The following CCBE1 variants were observed in gnomAD, a reference collection of about 807,000 sequenced individuals.
CCBE1 encodes collagen and calcium binding EGF domains 1.
A neutral mutation model predicts 50.0 loss-of-function variants in CCBE1; 37 were observed. That is an observed-to-expected ratio of 0.74 (90% CI 0.57 to 0.97). The LOEUF is 0.97. Ranked by LOEUF, CCBE1 falls within the 50% of genes least tolerant of loss-of-function variation. The pLI is 0.00. For synonymous variants in CCBE1, 234 were observed against 203.7 expected (o/e 1.15, Z -1.27); for missense variants, 538 against 523.8 (o/e 1.03, Z -0.26).
At chr18:59,463,391 C>G (rs1156971632) in intron 5 of CCBE1, among the ~76,000 whole-genome samples, 1 of 152,224 alleles carries the variant, frequency 6.6e-6, no homozygotes, top group Non-Finnish European at 1.5e-5. Context: ...CCACACCCAG[C>G]TAACTTTTTT....
In CCBE1 at chr18:59,597,543, G is replaced by C. The variant is rs71357646; in HGVS notation, c.212+99086C>G. On this transcript the variant is annotated intron_variant, in intron 2 of 10. Coordinates refer to ENST00000439986, the MANE Select transcript of CCBE1 (RefSeq NM_133459.4). ...GCTCATTGGGTTGAGGGTGGGAGGA[G>C]AAAATTAACTACAAAAAAAGTAGTA... Among the ~76,000 whole-genome samples, 4 of 147,410 alleles carry C rather than the reference G, an allele frequency of 2.7e-5. No homozygotes were observed. The Admixed American group carries it at 2.8e-4, about 10-fold the overall frequency.
At chr18:59,477,968 T>C (rs1255572954) in intron 3 of CCBE1, among the ~76,000 whole-genome samples, 1 of 152,186 alleles carries the variant, frequency 6.6e-6, no homozygotes, top group Non-Finnish European at 1.5e-5. Flanking sequence ...TCTGTGAAGA[T>C]ATTTTTTAGA....
intron 2 of CCBE1, among the ~76,000 whole-genome samples, chr18:59,547,475 G>A (rs1915752147): frequency 6.6e-6 from 1 of 152,104 alleles, no homozygotes; most frequent in Non-Finnish European, 1.5e-5. Context: ...ATTGGCCCCA[G>A]GGAGAGGGCA....
chr18:59,627,951 G>A (rs965387252), intron 2 of CCBE1, among the ~76,000 whole-genome samples: 3 of 152,154 alleles, frequency 2.0e-5, no homozygotes, highest in South Asian at 2.1e-4. Flanking sequence ...AGTGGCTCAC[G>A]CCCACAATCC....
rs1909967587 is a variant in CCBE1 at position 59,432,140 on chromosome 18, T to C, written c.*3768A>G. ...GGCTAATTTTTTTTTTTATTTATTTTAGTAGAGATGGGGTTTCACCACGTG... is the reference window on the plus strand; with the variant it reads ...GGCTAATTTTTTTTTTTATTTATTTCAGTAGAGATGGGGTTTCACCACGTG... On this transcript the variant is annotated 3_prime_UTR_variant, in exon 11 of 11. Transcript: ENST00000439986. The C allele has an allele frequency of 1.3e-5, 2 of 152,122 alleles. No homozygotes were observed. The highest frequency in any genetic ancestry group is 6.5e-5 in the Admixed American group (1 of 15,268). The allele number at this position is 152,122 out of a possible 1,614,324, so 9.4% of individuals were successfully genotyped here. A position where few individuals can be genotyped will look rare whatever the true frequency, so the allele number is the denominator to read the frequency against.
At chr18:59,589,452 C>T (rs2053226754) in intron 2 of CCBE1, among the ~76,000 whole-genome samples, 1 of 152,066 alleles carries the variant, frequency 6.6e-6, no homozygotes, top group Admixed American at 6.6e-5. Flanking sequence ...ACGATAATAT[C>T]GACGTAAAAC....
intron 2 of CCBE1, among the ~76,000 whole-genome samples, chr18:59,648,609 C>T (rs571714078): frequency 4.6e-5 from 7 of 152,188 alleles, no homozygotes; most frequent in South Asian, 4.2e-4. Context: ...GGGTGAGGTA[C>T]GAGAATTGCT....
At chr18:59,582,986 A>T (rs1419924071) in intron 2 of CCBE1, among the ~76,000 whole-genome samples, 1 of 151,952 alleles carries the variant, frequency 6.6e-6, no homozygotes, top group African/African-American at 2.4e-5. Flanking sequence ...CCAACTAAAT[A>T]AAAAAAATTT....
chr18:59,584,193 C>A (rs1193136012), intron 2 of CCBE1, among the ~76,000 whole-genome samples: 1 of 152,056 alleles, frequency 6.6e-6, no homozygotes, highest in African/African-American at 2.4e-5. Flanking sequence ...AGTTCATGTC[C>A]TTTGTAGGGA....
intron 2 of CCBE1, among the ~76,000 whole-genome samples, chr18:59,485,624 T>TTATG (rs1430740428): frequency 2.0e-5 from 3 of 151,478 alleles, no homozygotes; most frequent in Admixed American, 6.6e-5. Flanking sequence ...ATTTATTTAT[T>TTATG]TTTTGAGATG....
intron 2 of CCBE1, among the ~76,000 whole-genome samples, chr18:59,587,731 G>T (rs1022431871): frequency 6.6e-6 from 1 of 152,052 alleles, no homozygotes; most frequent in African/African-American, 2.4e-5. Context: ...AAAGAAATAT[G>T]AAAGAAAAAT....
At chr18:59,559,760 AC>A (rs1431007412) in intron 2 of CCBE1, among the ~76,000 whole-genome samples, 1 of 152,070 alleles carries the variant, frequency 6.6e-6, no homozygotes, top group African/African-American at 2.4e-5. Flanking sequence ...TGGAAGTGAA[AC>A]CTGTGTCTCT....
chr18:59,486,128 C>T (rs928745995), intron 2 of CCBE1, among the ~76,000 whole-genome samples: 1 of 152,100 alleles, frequency 6.6e-6, no homozygotes. Flanking sequence ...CTTCAGACTC[C>T]TCATGGACAA....
intron 2 of CCBE1, among the ~76,000 whole-genome samples, chr18:59,556,375 C>CAGGGG (rs2052657660): frequency 6.6e-6 from 1 of 152,102 alleles, no homozygotes; most frequent in Non-Finnish European, 1.5e-5. Context: ...AGGAGGACTC[C>CAGGGG]AATCAGCAGG....
At chr18:59,583,700 CGT>C (rs878886936) in intron 2 of CCBE1, among the ~76,000 whole-genome samples, 27 of 144,886 alleles carry the variant, frequency 1.9e-4, no homozygotes, top group Admixed American at 4.2e-4. Flanking sequence ...CGCGCGCGCG[CGT>C]GTGTGTGTAT....
intron 2 of CCBE1, among the ~76,000 whole-genome samples, chr18:59,514,860 T>A (rs557677928): frequency 3.9e-5 from 6 of 152,240 alleles, no homozygotes; most frequent in South Asian, 2.1e-4. Context: ...TGGTCATCAA[T>A]AAACCTCTAT....
intron 2 of CCBE1, among the ~76,000 whole-genome samples, chr18:59,547,735 G>A (rs533190002): frequency 4.5e-4 from 68 of 152,308 alleles, no homozygotes; most frequent in Non-Finnish European, 3.7e-4. Context: ...CAAAGGAAAT[G>A]TATGCAAACA....
At chr18:59,504,040 G>A (rs895317602) in intron 2 of CCBE1, among the ~76,000 whole-genome samples, 7 of 152,178 alleles carry the variant, frequency 4.6e-5, no homozygotes, top group Admixed American at 2.0e-4. Context: ...GGATCTGGCC[G>A]AAAGTGAGCG....
At chr18:59,508,282 T>C (rs909718456) in intron 2 of CCBE1, among the ~76,000 whole-genome samples, 1 of 152,022 alleles carries the variant, frequency 6.6e-6, no homozygotes, top group Non-Finnish European at 1.5e-5. Context: ...ATTCCAGTTT[T>C]ATCATCTGCT....
Sources: gnomAD v4.1 joint callset for allele counts (sites outside exome capture counted in the v4.1 genomes callset) on GRCh38, gnomAD v4.1.1 for gene constraint, MANE v1.5 for transcripts, NCBI Gene and HGNC (gene_info 2026-07-23, HGNC 2026-07-21) for gene names.